C1QTNF1: variants seen among roughly 807,000 people sequenced by gnomAD.
C1QTNF1 encodes the protein complement C1q tumor necrosis factor-related protein 1.
A neutral mutation model predicts 27.8 loss-of-function variants in C1QTNF1; 22 were observed. That is an observed-to-expected ratio of 0.79 (90% CI 0.56 to 1.13). C1QTNF1 has a LOEUF of 1.13. Among genes scored for constraint, C1QTNF1 ranks in the 50% most tolerant of loss-of-function variants. C1QTNF1 has a pLI of 0.00. For synonymous variants in C1QTNF1, 166 were observed against 154.3 expected, an observed-to-expected ratio of 1.08 and a Z score of -0.56; for missense variants, 373 against 380.2, an observed-to-expected ratio of 0.98 and a Z score of 0.16.
Position 79,026,360 on chromosome 17 carries a change from G to A in C1QTNF1, c.-15+1866G>A, listed in dbSNP as rs1005579729. 1.2e-4 allele frequency among the ~76,000 whole-genome samples: 18 copies of A among 152,126 alleles called. 1 individual carries two copies. The highest frequency in any genetic ancestry group is 1.2e-3 in the Admixed American group (18 of 15,274). The stretch of plus-strand genomic sequence containing the variant: ...GTAGAGACTGGGTTTCACCCTGTTG[G>A]TCAGGCTGGTCTCAAACTCTTGACC... On this transcript the variant is annotated intron_variant, in intron 1 of 3. Transcript: ENST00000579760.
chr17:79,033,098 C>T (rs1299915521), intron 1 of C1QTNF1, among the ~76,000 whole-genome samples: 1 of 150,168 alleles, frequency 6.7e-6, no homozygotes, highest in Admixed American at 6.6e-5. Context: ...AGTCTTAGCG[C>T]AGAGCAAAGA....
chr17:79,027,135 G>A (rs548815505), intron 1 of C1QTNF1, among the ~76,000 whole-genome samples: 124 of 152,126 alleles, frequency 8.2e-4, no homozygotes, highest in African/African-American at 2.9e-3. Context: ...TGGGGGTGAC[G>A]GACACCAGGA....
chr17:79,023,780 C>A (rs1266785332), upstream of C1QTNF1, among the ~76,000 whole-genome samples: 3 of 152,060 alleles, frequency 2.0e-5, no homozygotes, highest in Non-Finnish European at 4.4e-5. Context: ...TTCCCCCAAA[C>A]CTGTCTGAGT....
intron 1 of C1QTNF1, among the ~76,000 whole-genome samples, chr17:79,037,512 C>T (rs2072291953): frequency 6.6e-6 from 1 of 152,172 alleles, no homozygotes; most frequent in Non-Finnish European, 1.5e-5. Flanking sequence ...GATCCACCCT[C>T]CTCGGCCTCC....
chr17:79,038,461 T>G (rs1166915442), intron 1 of C1QTNF1, among the ~76,000 whole-genome samples: 1 of 152,174 alleles, frequency 6.6e-6, no homozygotes, highest in Non-Finnish European at 1.5e-5. Flanking sequence ...GAAGGGACGC[T>G]GAAGAGCGGC....
chr17:79,038,100 C>T (rs976936979), intron 1 of C1QTNF1, among the ~76,000 whole-genome samples: 4 of 152,084 alleles, frequency 2.6e-5, no homozygotes, highest in African/African-American at 9.7e-5. Context: ...AGCAATTCTC[C>T]TGCCTCAGCC....
In C1QTNF1 at chr17:79,047,733, C is replaced by G. The variant is rs370218119; in HGVS notation, c.491C>G (p.Thr164Arg). The G allele has an allele frequency of 6.2e-6, 10 of 1,614,152 alleles. No homozygotes were observed. In the South Asian group the frequency reaches 9.9e-5, roughly 16 times the overall value. ...KPMHSNHYYQTVIFDTEFVNL... is the reference protein window; with the variant it reads ...KPMHSNHYYQRVIFDTEFVNL... ...ATGCACAGCAACCACTACTACCAGA[C>G]GGTGATCTTCGACACGGAGTTCGTG... Residue 164 changes from threonine (T) to arginine (R), a missense_variant, in exon 4 of 4, where the codon ACG becomes AGG. Thr to Arg is a moderately conservative substitution (Grantham distance 71, BLOSUM62 -1). Transcript: ENST00000579760.
rs901828719 is a variant in C1QTNF1, at chr17:79,046,805, G to C, written c.295+111G>C. ...TAGGCGAGAGCAGAATGGCTCCCTC[G>C]GGACAGGGAGCAGAGGCAGGCAGGC... On this transcript the variant is annotated intron_variant, in intron 3 of 3. Transcript: ENST00000579760. This position sits in a 1 kb window ranked among gnomAD's most constrained non-coding sequence, Gnocchi z 4.8. 1.4e-6 allele frequency: 2 copies of C among 1,381,046 alleles called. No individual in the cohort carries two copies. The highest frequency in any genetic ancestry group is 2.0e-6 in the Non-Finnish European group (2 of 1,006,736). 85.5% of individuals were successfully genotyped at this position (1,381,046 alleles called of 1,614,324 possible).
At chr17:79,024,108 A>G (rs760590932), upstream of C1QTNF1, 3 of 151,588 alleles carry the variant, frequency 2.0e-5, no homozygotes, top group Non-Finnish European at 4.4e-5. Flanking sequence ...CACACGGTTA[A>G]TCCTCCGCGG....
chr17:79,048,059 T>C lies in C1QTNF1; in HGVS notation c.817T>C (p.Tyr273His). 2 of 1,579,130 alleles carry C rather than the reference T, an allele frequency of 1.3e-6. No homozygotes were observed. The highest frequency in any genetic ancestry group is 1.1e-5 in the South Asian group (1 of 87,496). Residue 273 changes from tyrosine (Y) to histidine (H), a missense_variant, in exon 4 of 4, where the codon TAC (tyrosine) becomes CAC (histidine). Coordinates refer to ENST00000579760, the MANE Select transcript of C1QTNF1 (RefSeq NM_030968.5). ...GGACACCTACATCACCTTCAGTGGCTACCTGGTCAAGCACGCCACCGAGCC... is the reference window on the plus strand; with the variant it reads ...GGACACCTACATCACCTTCAGTGGCCACCTGGTCAAGCACGCCACCGAGCC... ...ELDTYITFSG[Y>H]LVKHATEP is the part of the protein sequence containing the mutation.
intron 1 of C1QTNF1, among the ~76,000 whole-genome samples, chr17:79,033,363 G>A (rs1161478402): frequency 6.6e-6 from 1 of 152,124 alleles, no homozygotes; most frequent in Non-Finnish European, 1.5e-5. Flanking sequence ...CAGGTCAGTG[G>A]TGGGGACATG....
At chr17:79,029,032 G>A (rs188114818) in intron 1 of C1QTNF1, among the ~76,000 whole-genome samples, 2 of 152,168 alleles carry the variant, frequency 1.3e-5, no homozygotes, top group Non-Finnish European at 2.9e-5. Flanking sequence ...ATTGCATCAA[G>A]GAAGATGGTT....
intron 3 of C1QTNF1, chr17:79,047,238 C>CTTTTTT (rs372840829): frequency 4.3e-4 from 120 of 277,578 alleles, no homozygotes; most frequent in African/African-American, 2.2e-3. Flanking sequence ...TTTTTCTTTT[C>CTTTTTT]TTTTTTTTTT....
rs78595091 is a variant in C1QTNF1, at chr17:79,028,553, G to C, written c.-15+4059G>C. ...AGATGGAAGGATCTGGGTGGGTTAG[G>C]GGGTGACCACAGGTCTCTTGCGTCC... On this transcript the variant is annotated intron_variant, in intron 1 of 3. Coordinates refer to ENST00000579760, the MANE Select transcript of C1QTNF1 (RefSeq NM_030968.5). Among the ~76,000 whole-genome samples, 1,233 of 152,304 alleles carry C rather than the reference G, an allele frequency of 8.1e-3. 36 individuals are homozygous for C. The East Asian group carries it at 0.1, about 13-fold the overall frequency.
chr17:79,039,773 TTAAA>T lies in C1QTNF1; in HGVS notation c.-14-4175_-14-4172del, dbSNP rs1285330360. On this transcript the variant is annotated intron_variant, in intron 1 of 3. Coordinates refer to ENST00000579760, the MANE Select transcript of C1QTNF1 (RefSeq NM_030968.5). ...TTTTGTAGTTACTTTCCAACCTCTC[TTAAA>T]TAAATATGTGTGTGTGTGTGTATAT... Among the ~76,000 whole-genome samples, 10 of 151,622 alleles carry T rather than the reference TTAAA, an allele frequency of 6.6e-5. 1 individual carries two copies. The highest frequency in any genetic ancestry group is 6.6e-4 in the Admixed American group (10 of 15,230).
At chr17:79,025,881 A>G (rs1322543418) in intron 1 of C1QTNF1, 2 of 429,802 alleles carry the variant, frequency 4.7e-6, no homozygotes, top group African/African-American at 4.1e-5. Flanking sequence ...GGCAATCATC[A>G]TCACCATCAT....
At chr17:79,025,813 C>T (rs2071937103) in intron 1 of C1QTNF1, 2 of 262,314 alleles carry the variant, frequency 7.6e-6, no homozygotes, top group Admixed American at 7.4e-5. Context: ...CTTCCCCACC[C>T]TCCCTCTTAG....
Position 79,046,272 on chromosome 17 carries a change from G to A in C1QTNF1, c.156-283G>A, listed in dbSNP as rs2072569975. Among the ~76,000 whole-genome samples the A allele has an allele frequency of 1.3e-5, 2 of 152,208 alleles. No individual in the cohort carries two copies. The highest frequency in any genetic ancestry group is 4.1e-4 in the South Asian group (2 of 4,834). ...GTCACCCAAAGACCCTCTCTTAGAA[G>A]TGTGGATTTCTCCCGAGCAGCCCCC... On this transcript the variant is annotated intron_variant, in intron 2 of 3. Coordinates refer to ENST00000579760, the MANE Select transcript of C1QTNF1 (RefSeq NM_030968.5). The surrounding 1 kb of genome is among the most constrained non-coding windows in gnomAD (Gnocchi z 4.8).
At chr17:79,043,146 C>T (rs1368775920) in intron 1 of C1QTNF1, among the ~76,000 whole-genome samples, 1 of 146,014 alleles carries the variant, frequency 6.8e-6, no homozygotes, top group Non-Finnish European at 1.5e-5. Context: ...TGTTGGATTG[C>T]ATGTGAGTGC....
Sources: gnomAD v4.1 joint callset for allele counts (sites outside exome capture counted in the v4.1 genomes callset) on GRCh38, gnomAD v4.1.1 for gene constraint, Gnocchi (gnomAD v3.1) non-coding constraint, MANE v1.5 for transcripts, NCBI Gene and HGNC (gene_info 2026-07-23, HGNC 2026-07-21) for gene names.